RPF2: variants seen among roughly 807,000 people sequenced by gnomAD.
RPF2 encodes ribosome production factor 2 homolog, also known as brix domain containing 1.
A neutral mutation model predicts 38.9 loss-of-function variants in RPF2; 21 were observed. The ratio of observed to expected loss-of-function variants is 0.54; its 90% CI spans 0.38 to 0.78. The LOEUF (loss-of-function observed/expected upper bound fraction) is 0.78. RPF2 is among the 30% of genes least tolerant of loss of function. The probability of loss-of-function intolerance (pLI) is 0.00; values close to 1 mark genes in which losing one functional copy is unlikely to be tolerated. For missense variants in RPF2, 314 were observed against 358.1 expected, an observed-to-expected ratio of 0.88 and a Z score of 0.99; for synonymous variants, 121 against 126.2, an observed-to-expected ratio of 0.96 and a Z score of 0.28.
chr6:111,000,198 T>G (rs1454067550), intron 6 of RPF2, among the ~76,000 whole-genome samples: 1 of 152,174 alleles, frequency 6.6e-6, no homozygotes, highest in Non-Finnish European at 1.5e-5. Flanking sequence ...CTTGACCTCC[T>G]GGGCTCAAGC....
intron 9 of RPF2, 112 bp downstream of exon 9, chr6:111,024,439 C>A: frequency 9.6e-7 from 1 of 1,044,940 alleles, no homozygotes. Context: ...ACAGGCCAGG[C>A]GCGGTGGCTC....
intron 2 of RPF2, among the ~76,000 whole-genome samples, chr6:110,987,822 T>G (rs9320351): frequency 0.25 from 37,579 of 151,996 alleles, 5,368 homozygotes; most frequent in East Asian, 0.65. Context: ...GATGACATCT[T>G]TGTTATTCTC....
chr6:111,004,563 G>C (rs1409882195), intron 6 of RPF2, among the ~76,000 whole-genome samples: 1 of 135,466 alleles, frequency 7.4e-6, no homozygotes, highest in Admixed American at 7.5e-5. Flanking sequence ...TTTTTTTTTT[G>C]GAGACAGGGT....
Position 110,982,077 on chromosome 6 carries a change from C to A in RPF2, c.-30C>A, listed in dbSNP as rs1269667429. On this transcript the variant is annotated 5_prime_UTR_variant, in exon 1 of 10. Coordinates refer to ENST00000441448, the MANE Select transcript of RPF2 (RefSeq NM_032194.3). ...AATCGCCGAGGGCACGTGCATGCCCCCTGGTTAAGAGTTGCAGGTAGCGGT... is the reference window on the plus strand; with the variant it reads ...AATCGCCGAGGGCACGTGCATGCCCACTGGTTAAGAGTTGCAGGTAGCGGT... The A allele has an allele frequency of 6.2e-7, 1 of 1,614,070 alleles. No individual in the cohort carries two copies. Among genetic ancestry groups the A allele is most frequent in the Non-Finnish European group, 8.5e-7 (1 of 1,179,904 alleles).
chr6:110,994,191 C>A (rs1214192296), intron 4 of RPF2, among the ~76,000 whole-genome samples: 1 of 151,710 alleles, frequency 6.6e-6, no homozygotes, highest in African/African-American at 2.4e-5. Flanking sequence ...AGGAGAATCA[C>A]TTGAACCCGG....
chr6:111,011,319 T>A (rs1772010981), intron 7 of RPF2, among the ~76,000 whole-genome samples: 2 of 148,140 alleles, frequency 1.4e-5, no homozygotes, highest in African/African-American at 2.5e-5. Context: ...TTTTTTTTTT[T>A]GAGACATAGT....
At chr6:110,998,113 C>T (rs985255683) in intron 5 of RPF2, among the ~76,000 whole-genome samples, 2 of 152,130 alleles carry the variant, frequency 1.3e-5, no homozygotes, top group Non-Finnish European at 2.9e-5. Flanking sequence ...CCATGTTGGC[C>T]AGGCTGGTCT....
rs368816240 is a variant in RPF2, at chr6:110,984,773, G to A, written c.24-233G>A. On this transcript the variant is annotated intron_variant, in intron 1 of 9. Transcript: ENST00000441448. ...GAGAATTGCTTGAACTCAGGAGGTG[G>A]ATGTTGCAGTGAGCCAAGATTGTGC... 3.3e-5 allele frequency among the ~76,000 whole-genome samples: 5 copies of A among 152,134 alleles called. No individual in the cohort carries two copies. In the East Asian group the frequency reaches 5.8e-4, roughly 18 times the overall value.
At chr6:110,984,881 A>AT (rs35242084) in intron 1 of RPF2, 125 bp from the exon 2 acceptor site, 167,060 of 1,032,764 alleles carry the variant, frequency 0.16, 14,943 homozygotes, top group African/African-American at 0.3. Flanking sequence ...AGAAAGTGAG[A>AT]TTTTTTTTAA....
chr6:111,012,125 A>G (rs1242386124), intron 7 of RPF2, among the ~76,000 whole-genome samples: 1 of 151,040 alleles, frequency 6.6e-6, no homozygotes, highest in African/African-American at 2.4e-5. Context: ...TTTTCATGCA[A>G]GATACCCATT....
At chr6:110,989,216 G>GT (rs1562365954) in intron 3 of RPF2, 151 bp downstream of exon 3, 8 of 839,788 alleles carry the variant, frequency 9.5e-6, no homozygotes, top group Admixed American at 4.3e-5. Context: ...CTTTTGGTCT[G>GT]TTTTTTTCAT....
rs1199445592 is a variant in RPF2 at position 111,027,425 on chromosome 6, A to G, written c.*1843A>G. ...TGCTGCCATCTGGAGGTAGATGGACAATAGCTGAGAAGGGGAGCCATGAAA... is the reference window on the plus strand; with the variant it reads ...TGCTGCCATCTGGAGGTAGATGGACGATAGCTGAGAAGGGGAGCCATGAAA... On this transcript the variant is annotated 3_prime_UTR_variant, in exon 10 of 10. Coordinates refer to ENST00000441448, the MANE Select transcript of RPF2 (RefSeq NM_032194.3). 1 of 152,216 alleles carries G rather than the reference A, an allele frequency of 6.6e-6. No homozygotes were observed. Among genetic ancestry groups the G allele is most frequent in the Non-Finnish European group, 1.5e-5 (1 of 68,060 alleles). 9.4% of individuals were successfully genotyped at this position (152,216 alleles called of 1,614,324 possible).
rs1257902560 is a variant in RPF2 at position 110,994,707 on chromosome 6, C to T, written c.235-2476C>T. ...AGAATTTTAAGAAATAAAAAGCAGA[C>T]TTTGTGGAGAATGGGATGAGTATAT... On this transcript the variant is annotated intron_variant, in intron 4 of 9. Transcript: ENST00000441448. 2.3e-5 allele frequency among the ~76,000 whole-genome samples: 3 copies of T among 129,802 alleles called. No homozygotes were observed. In the East Asian group the frequency reaches 8.5e-4, roughly 37 times the overall value. 85.2% of individuals were successfully genotyped at this position (129,802 alleles called of 152,430 possible).
intron 3 of RPF2, among the ~76,000 whole-genome samples, chr6:110,989,822 C>CA (rs1260384002): frequency 6.6e-6 from 1 of 152,084 alleles, no homozygotes; most frequent in Non-Finnish European, 1.5e-5. Context: ...AGGGTTTCAC[C>CA]ATGTTGGCCA....
chr6:110,987,061 C>G (rs1482797797), intron 2 of RPF2, among the ~76,000 whole-genome samples: 2 of 151,652 alleles, frequency 1.3e-5, no homozygotes, highest in Non-Finnish European at 2.9e-5. Flanking sequence ...ATTAAGTAAT[C>G]GAATACATTT....
In RPF2 at chr6:111,014,708, G is replaced by A. The variant is rs578034923; in HGVS notation, c.494-1046G>A. Among the ~76,000 whole-genome samples, 46 of 152,292 alleles carry A rather than the reference G, an allele frequency of 3.0e-4. No individual in the cohort carries two copies. The South Asian group carries it at 8.7e-3, about 29-fold the overall frequency. ...TTTCCATTTAGCCTCCTTGAGGTTC[G>A]ATTTTCTCAGCTGTAAAATTAAGAT... On this transcript the variant is annotated intron_variant, in intron 7 of 9. Coordinates refer to ENST00000441448, the MANE Select transcript of RPF2 (RefSeq NM_032194.3).
intron 7 of RPF2, among the ~76,000 whole-genome samples, chr6:111,008,875 G>C (rs1027945197): frequency 1.4e-5 from 2 of 145,896 alleles, no homozygotes; most frequent in East Asian, 4.1e-4. Context: ...TTTCCGGGAA[G>C]CCCTCAGTGA....
At chr6:111,023,986 C>CA (rs145252047) in intron 8 of RPF2, among the ~76,000 whole-genome samples, 197 bp from the exon 9 acceptor site, 21,186 of 136,718 alleles carry the variant, frequency 0.15, 2,278 homozygotes, top group East Asian at 0.6. Flanking sequence ...GACTCCGTCT[C>CA]AAAAAAAAAA....
chr6:111,007,722 A>G (rs1377353710), intron 6 of RPF2, among the ~76,000 whole-genome samples: 1 of 152,138 alleles, frequency 6.6e-6, no homozygotes, highest in Non-Finnish European at 1.5e-5. Context: ...AGGCAGGCGG[A>G]TCATTTGAGG....
Sources: allele counts gnomAD v4.1 joint callset (sites outside exome capture counted in the v4.1 genomes callset), GRCh38; gene constraint gnomAD v4.1.1; transcripts MANE v1.5; gene names NCBI Gene and HGNC (gene_info 2026-07-23, HGNC 2026-07-21).